The following ZC3H12B variants were observed in gnomAD, a reference collection of about 807,000 sequenced individuals.
ZC3H12B encodes the protein probable ribonuclease ZC3H12B.
ZC3H12B carries 7 observed loss-of-function variants against 43.9 expected under a neutral mutation model. That is an observed-to-expected ratio of 0.16 (90% CI 0.09 to 0.30). ZC3H12B has a LOEUF of 0.30. ZC3H12B is among the 10% of genes least tolerant of loss of function. The pLI is 1.00. For missense variants in ZC3H12B, 475 were observed against 670.2 expected, an observed-to-expected ratio of 0.71 and a Z score of 3.22; for synonymous variants, 222 against 241.7, an observed-to-expected ratio of 0.92 and a Z score of 0.76.
the ZC3H12B span, among the ~76,000 whole-genome samples, chrX:65,133,157 A>T: frequency 9.0e-6 from 1 of 110,743 alleles, no homozygotes; most frequent in African/African-American, 3.3e-5. Context: ...AGGCGTTTGG[A>T]AGTTCTTGTG....
the ZC3H12B span, among the ~76,000 whole-genome samples, chrX:65,302,407 A>G: frequency 2.7e-5 from 3 of 111,735 alleles, no homozygotes; most frequent in Non-Finnish European, 3.8e-5. Context: ...ACACAATTCC[A>G]TTTACATTAG....
At chrX:65,123,958 G>A in the ZC3H12B span, among the ~76,000 whole-genome samples, 1 of 110,289 alleles carries the variant, frequency 9.1e-6, no homozygotes, top group African/African-American at 3.3e-5. Context: ...TGACTTCCTC[G>A]TTACTGATTT....
the ZC3H12B span, among the ~76,000 whole-genome samples, chrX:65,134,079 A>T: frequency 1.8e-5 from 2 of 110,810 alleles, no homozygotes; most frequent in Non-Finnish European, 3.8e-5. Context: ...AGAGTTGAAG[A>T]GATTTTAACT....
At chrX:65,091,867 T>C in the ZC3H12B span, among the ~76,000 whole-genome samples, 1 of 112,418 alleles carries the variant, frequency 8.9e-6, no homozygotes, top group Admixed American at 9.4e-5. Context: ...AGTTTATTAA[T>C]TCAAATAAAA....
chrX:65,446,782 C>T (rs1229797188), intron 3 of ZC3H12B, among the ~76,000 whole-genome samples: 1 of 111,636 alleles, frequency 9.0e-6, no homozygotes, highest in African/African-American at 3.3e-5. Flanking sequence ...TCTTTAGTGC[C>T]CCTTTCCTTC....
chrX:65,306,949 T>C, the ZC3H12B span, among the ~76,000 whole-genome samples: 1 of 112,390 alleles, frequency 8.9e-6, no homozygotes, highest in Non-Finnish European at 1.9e-5. Flanking sequence ...TTTATTCATA[T>C]GAAATTATAG....
At chrX:65,176,715 C>T in the ZC3H12B span, among the ~76,000 whole-genome samples, 1 of 111,657 alleles carries the variant, frequency 9.0e-6, no homozygotes, top group African/African-American at 3.3e-5. Context: ...TGCGCCCTCC[C>T]AAGACTAAAC....
At chrX:65,327,248 TATAG>T in the ZC3H12B span, among the ~76,000 whole-genome samples, 1 of 111,384 alleles carries the variant, frequency 9.0e-6, no homozygotes, top group Non-Finnish European at 1.9e-5. Flanking sequence ...ATGTGATATA[TATAG>T]ATATATACAA....
chrX:65,451,620 A>T (rs981761663), intron 3 of ZC3H12B, among the ~76,000 whole-genome samples: 1 of 111,917 alleles, frequency 8.9e-6, no homozygotes, highest in Non-Finnish European at 1.9e-5. Context: ...TATTACAGGC[A>T]TCAGCCACTG....
the ZC3H12B span, among the ~76,000 whole-genome samples, chrX:65,209,440 A>T: frequency 1.1e-5 from 1 of 88,279 alleles, no homozygotes; most frequent in African/African-American, 4.2e-5. Flanking sequence ...TTATGTACCC[A>T]GTAGTCATTC....
chrX:65,217,264 G>T, the ZC3H12B span, among the ~76,000 whole-genome samples: 1 of 112,231 alleles, frequency 8.9e-6, no homozygotes, highest in Non-Finnish European at 1.9e-5. Flanking sequence ...TGCTGAAATG[G>T]CTGCAGGAAC....
chrX:65,193,453 C>G, the ZC3H12B span, among the ~76,000 whole-genome samples: 2 of 111,450 alleles, frequency 1.8e-5, no homozygotes, highest in African/African-American at 6.5e-5. Context: ...CTCTAATAAT[C>G]CTTTTACTTT....
intron 2 of ZC3H12B, among the ~76,000 whole-genome samples, chrX:65,376,400 G>A (rs1231160574): frequency 9.0e-6 from 1 of 111,703 alleles, no homozygotes; most frequent in East Asian, 2.8e-4. Context: ...CCGGCAAATT[G>A]TAGTGCCCTC....
intron 2 of ZC3H12B, among the ~76,000 whole-genome samples, chrX:65,374,358 G>A (rs377409868): frequency 5.1e-5 from 5 of 98,352 alleles, no homozygotes; most frequent in Non-Finnish European, 1.0e-4. Flanking sequence ...CAATCATACC[G>A]CAAGTCTCAG....
At chrX:65,470,583 C>A (rs775422804) in intron 3 of ZC3H12B, among the ~76,000 whole-genome samples, 1 of 111,029 alleles carries the variant, frequency 9.0e-6, no homozygotes, top group Non-Finnish European at 1.9e-5. Flanking sequence ...CGCCCTCACC[C>A]TTGGGGCTTT....
At chrX:65,212,263 T>TTATATAATATATAA in the ZC3H12B span, among the ~76,000 whole-genome samples, 19 of 46,386 alleles carry the variant, frequency 4.1e-4, no homozygotes, top group African/African-American at 2.4e-3. Flanking sequence ...ATATAATATA[T>TTATATAATATATAA]TATATAATAT....
the ZC3H12B span, among the ~76,000 whole-genome samples, chrX:65,261,538 C>A: frequency 9.0e-6 from 1 of 110,729 alleles, no homozygotes; most frequent in Admixed American, 9.7e-5. Flanking sequence ...TGGTATACAT[C>A]CATACCACTG....
the ZC3H12B span, among the ~76,000 whole-genome samples, chrX:65,074,251 T>C: frequency 1.8e-5 from 2 of 109,554 alleles, no homozygotes; most frequent in South Asian, 7.7e-4. Flanking sequence ...TTTCTGGATA[T>C]AATGTTATTA....
chrX:65,121,665 T>C, the ZC3H12B span, among the ~76,000 whole-genome samples: 1 of 111,618 alleles, frequency 9.0e-6, no homozygotes, highest in East Asian at 2.8e-4. Flanking sequence ...TCTGCTGTGA[T>C]CTTAGTTATT....
Sources: gnomAD v4.1 joint callset for allele counts (sites outside exome capture counted in the v4.1 genomes callset) on GRCh38, gnomAD v4.1.1 for gene constraint, MANE v1.5 for transcripts, NCBI Gene and HGNC (gene_info 2026-07-23, HGNC 2026-07-21) for gene names.